HSF2BP: variants seen among roughly 807,000 people sequenced by gnomAD.
HSF2BP encodes the protein heat shock factor 2-binding protein.
A neutral mutation model predicts 35.0 loss-of-function variants in HSF2BP; 35 were observed. The ratio of observed to expected loss-of-function variants is 1.00; its 90% confidence interval spans 0.76 to 1.32. The LOEUF is 1.32. Among genes scored for constraint, HSF2BP ranks in the 40% most tolerant of loss-of-function variants. HSF2BP has a pLI of 0.00. For missense variants in HSF2BP, 326 were observed against 321.7 expected (o/e 1.01, Z -0.10); for synonymous variants, 114 against 117.4 (o/e 0.97, Z 0.18).
intron 5 of HSF2BP, among the ~76,000 whole-genome samples, chr21:43,631,948 C>A (rs1187550355): frequency 9.1e-6 from 1 of 109,390 alleles, no homozygotes; most frequent in African/African-American, 4.0e-5. Context: ...TACACAGGCT[C>A]ACAGGCACAC....
At chr21:43,575,861 G>A (rs187044758) in intron 8 of HSF2BP, among the ~76,000 whole-genome samples, 18 of 152,328 alleles carry the variant, frequency 1.2e-4, no homozygotes, top group African/African-American at 4.1e-4. Context: ...GCTCATGCCT[G>A]TAATCCCAAC....
chr21:43,654,984 G>A (rs1253629252), intron 3 of HSF2BP, among the ~76,000 whole-genome samples: 1 of 152,234 alleles, frequency 6.6e-6, no homozygotes, highest in African/African-American at 2.4e-5. Context: ...GAAAGGCCGG[G>A]ACTATGAGAT....
At chr21:43,615,967 G>A (rs1311058996) in intron 6 of HSF2BP, among the ~76,000 whole-genome samples, 1 of 150,580 alleles carries the variant, frequency 6.6e-6, no homozygotes, top group East Asian at 1.9e-4. Flanking sequence ...CAAGATAAAT[G>A]TTAAGACTTT....
chr21:43,643,357 G>A (rs923210949), intron 4 of HSF2BP, among the ~76,000 whole-genome samples: 8 of 152,086 alleles, frequency 5.3e-5, no homozygotes, highest in Non-Finnish European at 1.0e-4. Context: ...TTGAGAGGTG[G>A]GGCCTAGTGA....
intron 5 of HSF2BP, among the ~76,000 whole-genome samples, chr21:43,632,877 ATGTG>A (rs140139849): frequency 6.6e-6 from 1 of 150,462 alleles, no homozygotes; most frequent in South Asian, 2.1e-4. Context: ...ATCTATATGT[ATGTG>A]TGTGTGTGTG....
intron 3 of HSF2BP, among the ~76,000 whole-genome samples, chr21:43,649,218 C>T (rs2083204509): frequency 6.6e-6 from 1 of 151,908 alleles, no homozygotes; most frequent in South Asian, 2.1e-4. Flanking sequence ...CGCGCCTGGC[C>T]TTTTGTTTGT....
chr21:43,635,048 C>T lies in HSF2BP; in HGVS notation c.292-1627G>A, dbSNP rs571864505. Among the ~76,000 whole-genome samples the T allele has an allele frequency of 1.3e-4, 20 of 151,900 alleles. No homozygotes were observed. The East Asian group carries it at 1.7e-3, about 13-fold the overall frequency. On this transcript the variant is annotated intron_variant, in intron 4 of 8. Transcript: ENST00000291560. ...GTAGTTGCAGGAGGATATTCCCCAA[C>T]GCAGGGTTCCACACATAGTATAATA...
At chr21:43,637,201 A>C (rs996989910) in intron 4 of HSF2BP, among the ~76,000 whole-genome samples, 3 of 152,196 alleles carry the variant, frequency 2.0e-5, no homozygotes, top group African/African-American at 7.2e-5. Context: ...AGAAAATGTG[A>C]TATATCCATC....
chr21:43,576,118 CAAAAAA>C (rs34954288), intron 8 of HSF2BP, among the ~76,000 whole-genome samples: 2 of 114,810 alleles, frequency 1.7e-5, no homozygotes, highest in Admixed American at 8.6e-5. Flanking sequence ...ATTTTGTCTC[CAAAAAA>C]AAAAAAAAAA....
chr21:43,604,049 G>C (rs894737756), intron 7 of HSF2BP, among the ~76,000 whole-genome samples: 7 of 152,084 alleles, frequency 4.6e-5, no homozygotes, highest in African/African-American at 1.5e-4. Context: ...ACGCAGGCTG[G>C]CTAGTGGTTT....
intron 7 of HSF2BP, among the ~76,000 whole-genome samples, chr21:43,603,539 T>C (rs768513847): frequency 7.2e-5 from 11 of 152,220 alleles, no homozygotes; most frequent in Non-Finnish European, 1.5e-4. Flanking sequence ...CTGCACACAG[T>C]TCTGTCAAGT....
intron 5 of HSF2BP, among the ~76,000 whole-genome samples, chr21:43,632,170 C>T (rs2082478228): frequency 7.5e-6 from 1 of 133,184 alleles, no homozygotes; most frequent in South Asian, 2.6e-4. Context: ...CTCACACACA[C>T]ACGCTCCCCC....
In HSF2BP at chr21:43,597,945, T is replaced by G. The variant is rs575655917; in HGVS notation, c.693-5617A>C. On this transcript the variant is annotated intron_variant, in intron 7 of 8. Coordinates refer to ENST00000291560, the MANE Select transcript of HSF2BP (RefSeq NM_007031.2). The surrounding 1 kb of genome is among the most constrained non-coding windows in gnomAD (Gnocchi z 4.3). ...TACTATGGTACATGTAACACATGCA[T>G]GCCATAGAAAATTTCTATTGTAGTT... Among the ~76,000 whole-genome samples, 76 of 152,334 alleles carry G rather than the reference T, an allele frequency of 5.0e-4. No individual in the cohort carries two copies. Among genetic ancestry groups the G allele is most frequent in the African/African-American group, 1.8e-3 (75 of 41,574 alleles).
intron 8 of HSF2BP, among the ~76,000 whole-genome samples, chr21:43,582,153 AATGAGGCCCTGCTGT>A (rs2146716957): frequency 6.7e-5 from 1 of 14,840 alleles, no homozygotes. Context: ...TGCTGTGGGG[AATGAGGCCCTGCTGT>A]GGGGGATGAG....
intron 3 of HSF2BP, among the ~76,000 whole-genome samples, chr21:43,649,859 T>C (rs1051653718): frequency 5.3e-5 from 8 of 152,248 alleles, no homozygotes; most frequent in Non-Finnish European, 1.0e-4. Context: ...GCGATTTAAT[T>C]GTAAAACAAA....
chr21:43,580,807 A>C (rs898056859), intron 8 of HSF2BP, among the ~76,000 whole-genome samples: 12 of 152,266 alleles, frequency 7.9e-5, no homozygotes, highest in African/African-American at 2.9e-4. Flanking sequence ...CACAGCTCAC[A>C]TAATAAAGAA....
intron 5 of HSF2BP, among the ~76,000 whole-genome samples, chr21:43,631,888 C>A (rs946336490): frequency 6.6e-6 from 1 of 151,716 alleles, no homozygotes; most frequent in African/African-American, 2.4e-5. Context: ...CGCTCCCACA[C>A]ACACACATGC....
chr21:43,496,728 G>A, the HSF2BP span, among the ~76,000 whole-genome samples: 9 of 128,648 alleles, frequency 7.0e-5, 1 homozygote, highest in African/African-American at 2.6e-4. Context: ...AGCTTCCTGA[G>A]TAGTGCGATC....
intron 7 of HSF2BP, among the ~76,000 whole-genome samples, chr21:43,608,830 A>G (rs1210639195): frequency 2.6e-5 from 4 of 151,368 alleles, no homozygotes; most frequent in Non-Finnish European, 5.9e-5. Flanking sequence ...TTAATTAGCC[A>G]GGCATGATGT....
Sources: allele counts gnomAD v4.1 joint callset (sites outside exome capture counted in the v4.1 genomes callset), GRCh38; gene constraint gnomAD v4.1.1; non-coding constraint Gnocchi (gnomAD v3.1); transcripts MANE v1.5; gene names NCBI Gene and HGNC (gene_info 2026-07-23, HGNC 2026-07-21).